The following STAT4 variants were observed in gnomAD, a reference collection of about 807,000 sequenced individuals.
STAT4 encodes signal transducer and activator of transcription 4.
Under a neutral mutation model 110.5 loss-of-function variants are expected in STAT4, and 42 were observed. The ratio of observed to expected loss-of-function variants is 0.38; its 90% CI spans 0.30 to 0.49. The LOEUF (loss-of-function observed/expected upper bound fraction) is 0.49. Ranked by LOEUF, STAT4 falls within the 20% of genes least tolerant of loss-of-function variation. The probability of loss-of-function intolerance (pLI) is 0.95; values close to 1 mark genes in which losing one functional copy is unlikely to be tolerated. For missense variants in STAT4, 632 were observed against 887.9 expected (o/e 0.71, Z 3.66); for synonymous variants, 284 against 302.2 (o/e 0.94, Z 0.63).
In STAT4 at chr2:191,048,922, T is replaced by C. The variant is rs76373758; in HGVS notation, c.1251+5568A>G. Among the ~76,000 whole-genome samples the C allele has an allele frequency of 4.7e-3, 706 of 151,544 alleles. 6 individuals are homozygous for C. Among genetic ancestry groups the C allele is most frequent in the Middle Eastern group, 0.031 (9 of 294 alleles). On this transcript the variant is annotated intron_variant, in intron 14 of 23. Coordinates refer to ENST00000392320, the MANE Select transcript of STAT4 (RefSeq NM_003151.4). ...TATTTACATTATATGGTACATCACA[T>C]TATATGACACTGAATATAATAGCTG...
intron 3 of STAT4, among the ~76,000 whole-genome samples, chr2:191,103,986 A>G (rs1698211468): frequency 6.6e-6 from 1 of 152,138 alleles, no homozygotes; most frequent in Non-Finnish European, 1.5e-5. Flanking sequence ...ATTTCTGATG[A>G]GCAACCAAGG....
At chr2:191,125,530 C>G (rs1698858976) in intron 3 of STAT4, among the ~76,000 whole-genome samples, 1 of 113,528 alleles carries the variant, frequency 8.8e-6, no homozygotes, top group African/African-American at 3.0e-5. Flanking sequence ...CTCTGTCACC[C>G]AGGCTGGAGT....
In STAT4 at chr2:191,036,269, C is replaced by T; in HGVS notation, c.1465G>A (p.Ala489Thr). Reference sequence around the variant, plus strand: ...ACCTCCAGTAGTTGACTCAATGTGGCAGGTGGAGGATTATTAAAGAAAACC... The same window carrying T: ...ACCTCCAGTAGTTGACTCAATGTGGTAGGTGGAGGATTATTAAAGAAAACC... ...NLVFFNNPPP[A>T]TLSQLLEVMS... The change falls in exon 17 of 24, where the codon GCC (alanine) becomes ACC (threonine). Residue 489 changes from alanine (A) to threonine (T), a missense_variant. By Grantham distance (58) the Ala-to-Thr change is moderately conservative. This residue lies in a region of STAT4 where 488 missense variants were observed against 632.8 expected (regional missense o/e 0.77). Coordinates refer to ENST00000392320, the MANE Select transcript of STAT4 (RefSeq NM_003151.4). 6.2e-7 allele frequency: 1 copy of T among 1,614,044 alleles called. No homozygotes were observed. Among genetic ancestry groups the T allele is most frequent in the Non-Finnish European group, 8.5e-7 (1 of 1,180,010 alleles).
Position 191,062,726 on chromosome 2 carries a change from C to T in STAT4, c.941+36G>A. On this transcript the variant is annotated intron_variant, in intron 9 of 23. Coordinates refer to ENST00000392320, the MANE Select transcript of STAT4 (RefSeq NM_003151.4). The surrounding 1 kb of genome is among the most constrained non-coding windows in gnomAD (Gnocchi z 4.9). ...CCTTAGGAAGGGTGTTCTTACTTCACAGAATGGAGGATGCCATTGATAGCA... is the reference window on the plus strand; with the variant it reads ...CCTTAGGAAGGGTGTTCTTACTTCATAGAATGGAGGATGCCATTGATAGCA... 1 of 1,610,968 alleles carries T rather than the reference C, an allele frequency of 6.2e-7. No homozygotes were observed. Among genetic ancestry groups the T allele is most frequent in the Non-Finnish European group, 8.5e-7 (1 of 1,178,356 alleles).
chr2:191,060,471 T>C lies in STAT4; in HGVS notation c.1034+1258A>G, dbSNP rs1462732454. ...CTTGCTGTTGTTGCCCAGCCTGAAG[T>C]GCAGTGGCGTGAGTGCAGTGTACTG... On this transcript the variant is annotated intron_variant, in intron 10 of 23. Transcript: ENST00000392320. The surrounding 1 kb of genome is among the most constrained non-coding windows in gnomAD (Gnocchi z 4.5). Among the ~76,000 whole-genome samples the C allele has an allele frequency of 1.3e-5, 2 of 152,220 alleles. No individual in the cohort carries two copies. The highest frequency in any genetic ancestry group is 2.1e-4 in the South Asian group (1 of 4,838).
rs1697787910 is a variant in STAT4, at chr2:191,091,133, A to G, written c.274-14808T>C. On this transcript the variant is annotated intron_variant, in intron 3 of 23. Coordinates refer to ENST00000392320, the MANE Select transcript of STAT4 (RefSeq NM_003151.4). The surrounding 1 kb of genome is among the most constrained non-coding windows in gnomAD (Gnocchi z 5.4). ...TAGACAAGATTATAAGGACAAGAAAATGAAATAGTAAACGTAAATATTGGT... is the reference window on the plus strand; with the variant it reads ...TAGACAAGATTATAAGGACAAGAAAGTGAAATAGTAAACGTAAATATTGGT... Among the ~76,000 whole-genome samples the G allele has an allele frequency of 1.3e-5, 2 of 152,180 alleles. No individual in the cohort carries two copies. The highest frequency in any genetic ancestry group is 2.1e-4 in the South Asian group (1 of 4,836).
rs2125130838 is a variant in STAT4, at chr2:191,029,767, T to C, written c.*73A>G. On this transcript the variant is annotated 3_prime_UTR_variant, in exon 24 of 24. Transcript: ENST00000392320. This position sits in a 1 kb window ranked among gnomAD's most constrained non-coding sequence, Gnocchi z 4.5. Reference sequence around the variant, plus strand: ...TTTACAAAGCTGAAGAAATAAAATGTGGTTATTGGGCAAAGAACAGTCTTT... The same window carrying C: ...TTTACAAAGCTGAAGAAATAAAATGCGGTTATTGGGCAAAGAACAGTCTTT... 7.5e-7 allele frequency: 1 copy of C among 1,326,582 alleles called. No homozygotes were observed. The highest frequency in any genetic ancestry group is 1.5e-5 in the African/African-American group (1 of 67,420). 82.2% of individuals were successfully genotyped at this position (1,326,582 alleles called of 1,614,324 possible). A position where few individuals can be genotyped will look rare whatever the true frequency, so the allele number is the denominator to read the frequency against.
chr2:191,119,437 T>A (rs891985608), intron 3 of STAT4, among the ~76,000 whole-genome samples: 1 of 152,204 alleles, frequency 6.6e-6, no homozygotes, highest in Non-Finnish European at 1.5e-5. Flanking sequence ...GGAATGCCCA[T>A]TTCCAGAGGG....
chr2:191,069,552 G>A (rs912858503), intron 6 of STAT4, 141 bp downstream of exon 6: 1 of 654,450 alleles, frequency 1.5e-6, no homozygotes, highest in Non-Finnish European at 2.7e-6. Context: ...TAAGGAAGAA[G>A]CAAAACAAGA....
Position 191,096,302 on chromosome 2 carries a change from C to A in STAT4, c.274-19977G>T, listed in dbSNP as rs569936808. 2.0e-5 allele frequency among the ~76,000 whole-genome samples: 3 copies of A among 152,268 alleles called. No homozygotes were observed. The South Asian group carries it at 6.2e-4, about 32-fold the overall frequency. On this transcript the variant is annotated intron_variant, in intron 3 of 23. Coordinates refer to ENST00000392320, the MANE Select transcript of STAT4 (RefSeq NM_003151.4). ...GCATCATCCTGATACCAAAGCCTGG[C>A]AGAGACACAACAAAAAAAGAGAATT...
intron 3 of STAT4, among the ~76,000 whole-genome samples, chr2:191,123,510 TG>T (rs1445755462): frequency 6.6e-6 from 1 of 152,216 alleles, no homozygotes; most frequent in East Asian, 1.9e-4. Flanking sequence ...GAAATACAGA[TG>T]CTTCTCCACT....
Position 191,140,677 on chromosome 2 carries a change from G to C in STAT4, c.273+5936C>G, listed in dbSNP as rs1322699761. On this transcript the variant is annotated intron_variant, in intron 3 of 23. Transcript: ENST00000392320. This position sits in a 1 kb window ranked among gnomAD's most constrained non-coding sequence, Gnocchi z 4.4. ...ACTAGTACAACCACCATGGAAAACA[G>C]TATGGAGATTCCTCAAAGAAAAGCA... is the stretch of plus-strand genomic sequence containing the variant. Among the ~76,000 whole-genome samples, 1 of 152,174 alleles carries C rather than the reference G, an allele frequency of 6.6e-6. No homozygotes were observed. The highest frequency in any genetic ancestry group is 1.5e-5 in the Non-Finnish European group (1 of 68,036).
rs1695849990 is a variant in STAT4, at chr2:191,030,227, G to GA, written c.2221-362dup. Among the ~76,000 whole-genome samples the GA allele has an allele frequency of 6.6e-6, 1 of 152,160 alleles. No individual in the cohort carries two copies. The highest frequency in any genetic ancestry group is 1.5e-5 in the Non-Finnish European group (1 of 68,026). ...AAGTAAAGTGAATTTTTCATCTATG[G>GA]AAATCTTCAAGAGAAGGACTAAAAG... On this transcript the variant is annotated intron_variant, in intron 23 of 23. Coordinates refer to ENST00000392320, the MANE Select transcript of STAT4 (RefSeq NM_003151.4). This position sits in a 1 kb window ranked among gnomAD's most constrained non-coding sequence, Gnocchi z 4.4.
rs199894325 is a variant in STAT4 at position 191,048,613 on chromosome 2, C to CA, written c.1251+5876dup. Among the ~76,000 whole-genome samples the CA allele has an allele frequency of 2.7e-3, 369 of 135,366 alleles. 1 individual carries two copies. The highest frequency in any genetic ancestry group is 7.4e-3 in the Middle Eastern group (2 of 270). The allele number at this position is 135,366 out of a possible 152,430, so 88.8% of individuals were successfully genotyped here. A position where few individuals can be genotyped will look rare whatever the true frequency, so the allele number is the denominator to read the frequency against. ...CAACATGGTGAAACCCCGTCTCTACCAAAAAAAAAAAAAATGCAAACAATT... is the reference window on the plus strand; with the variant it reads ...CAACATGGTGAAACCCCGTCTCTACCAAAAAAAAAAAAAAATGCAAACAATT... On this transcript the variant is annotated intron_variant, in intron 14 of 23. Coordinates refer to ENST00000392320, the MANE Select transcript of STAT4 (RefSeq NM_003151.4).
chr2:191,092,012 A>G (rs1697811340), intron 3 of STAT4, among the ~76,000 whole-genome samples: 1 of 152,216 alleles, frequency 6.6e-6, no homozygotes, highest in South Asian at 2.1e-4. Context: ...TAATGTATGA[A>G]AAGATGGTTT....
intron 1 of STAT4, among the ~76,000 whole-genome samples, chr2:191,149,725 A>C (rs1699546429): frequency 6.6e-6 from 1 of 152,232 alleles, no homozygotes; most frequent in South Asian, 2.1e-4. Context: ...TATTCCACAC[A>C]AAATTGGAAC....
rs748441307 is a variant in STAT4 at position 191,032,941 on chromosome 2, A to C, written c.2044+17T>G. ...ATCTTAAGGAAAAAAAAACAAAAAC[A>C]AACAGAAAAACCTAACCTTCGCAAG... On this transcript the variant is annotated intron_variant, in intron 21 of 23. Transcript: ENST00000392320. This position sits in a 1 kb window ranked among gnomAD's most constrained non-coding sequence, Gnocchi z 4.9. The C allele has an allele frequency of 6.3e-7, 1 of 1,575,592 alleles. No individual in the cohort carries two copies. The highest frequency in any genetic ancestry group is 8.6e-7 in the Non-Finnish European group (1 of 1,166,684).
rs145898122 is a variant in STAT4, at chr2:191,099,930, T to C, written c.274-23605A>G. Among the ~76,000 whole-genome samples the C allele has an allele frequency of 6.6e-6, 1 of 152,324 alleles. No homozygotes were observed. The highest frequency in any genetic ancestry group is 2.4e-5 in the African/African-American group (1 of 41,596). On this transcript the variant is annotated intron_variant, in intron 3 of 23. Coordinates refer to ENST00000392320, the MANE Select transcript of STAT4 (RefSeq NM_003151.4). The surrounding 1 kb of genome is among the most constrained non-coding windows in gnomAD (Gnocchi z 4.1). ...GTTAATAGTGGTTATCTTATTTCAGTGGAATTTCAGGGGATTTTTTTTCTT... is the reference window on the plus strand; with the variant it reads ...GTTAATAGTGGTTATCTTATTTCAGCGGAATTTCAGGGGATTTTTTTTCTT...
rs1267510667 is a variant in STAT4, at chr2:191,116,176, T to C, written c.273+30437A>G. ...GTCAATGGTACTCTTCCATTCCCAA[T>C]GTGAAGCTAAGATCACATATGTACC... On this transcript the variant is annotated intron_variant, in intron 3 of 23. Transcript: ENST00000392320. The surrounding 1 kb of genome is among the most constrained non-coding windows in gnomAD (Gnocchi z 4.1). Among the ~76,000 whole-genome samples the C allele has an allele frequency of 6.6e-6, 1 of 152,226 alleles. No homozygotes were observed. Among genetic ancestry groups the C allele is most frequent in the African/African-American group, 2.4e-5 (1 of 41,464 alleles).
Sources: gnomAD v4.1 joint callset for allele counts (sites outside exome capture counted in the v4.1 genomes callset) on GRCh38, gnomAD v4.1.1 for gene constraint, gnomAD v4.1.1 regional missense constraint, Gnocchi (gnomAD v3.1) non-coding constraint, MANE v1.5 for transcripts, NCBI Gene and HGNC (gene_info 2026-07-23, HGNC 2026-07-21) for gene names.